Variants in TBCCD1 observed in about 807,000 individuals in gnomAD.
TBCCD1 encodes TBCC domain-containing protein 1.
Under a neutral mutation model 53.4 loss-of-function variants are expected in TBCCD1, and 26 were observed. The observed-to-expected ratio is 0.49, with a 90% confidence interval of 0.36 to 0.68. TBCCD1 has a LOEUF of 0.68. Ranked by LOEUF, TBCCD1 falls within the 30% of genes least tolerant of loss-of-function variation. The probability of loss-of-function intolerance (pLI) is 0.00; values close to 1 mark genes in which losing one functional copy is unlikely to be tolerated. For missense variants in TBCCD1, 558 were observed against 669.5 expected, an observed-to-expected ratio of 0.83 and a Z score of 1.84; for synonymous variants, 245 against 241.7, an observed-to-expected ratio of 1.01 and a Z score of -0.13.
At chr3:186,553,812 A>G (rs532804249) in intron 6 of TBCCD1, among the ~76,000 whole-genome samples, 12 of 152,256 alleles carry the variant, frequency 7.9e-5, no homozygotes, top group African/African-American at 2.9e-4. Context: ...TGTTTGAAAT[A>G]CTAATTTGAA....
At position 186,554,596 on chromosome 3, in the gene TBCCD1, G is replaced by C. The variant is rs376608378; in HGVS notation, c.1202C>G (p.Thr401Arg). Reference sequence around the variant, plus strand: ...AGAGAGAATAAGTGGGCGTGTAGGCGTAAGAACGTGAAAGATGCAACCTGT... The same window carrying C: ...AGAGAGAATAAGTGGGCGTGTAGGCCTAAGAACGTGAAAGATGCAACCTGT... ...STTGCIFHVL[T>R]PTRPLILSGN... is the part of the protein sequence containing the mutation. Residue 401 changes from threonine to arginine, a missense_variant, in exon 6 of 8, where the codon ACG (threonine) becomes AGG (arginine). Coordinates refer to ENST00000338733, the MANE Select transcript of TBCCD1 (RefSeq NM_018138.5). 3.1e-6 allele frequency: 5 copies of C among 1,614,100 alleles called. No individual in the cohort carries two copies. The highest frequency in any genetic ancestry group is 4.2e-6 in the Non-Finnish European group (5 of 1,180,012).
At position 186,564,026 on chromosome 3, in the gene TBCCD1, A is replaced by T. The variant is rs771720666; in HGVS notation, c.304T>A (p.Ser102Thr). ...CTCTGCTTTTCAACTTCCTCCTCAG[A>T]CATGCAGTTGGACAGAACCTCAGAC... ...EWSEVLSNCM[S>T]EEEVEKQRNQ... The change falls in exon 2 of 8, where the codon TCT (serine) becomes ACT (threonine). Residue 102 changes from serine to threonine, a missense_variant. Ser to Thr is a moderately conservative substitution (Grantham distance 58). Coordinates refer to ENST00000338733, the MANE Select transcript of TBCCD1 (RefSeq NM_018138.5). 1.2e-6 allele frequency: 2 copies of T among 1,613,208 alleles called. No homozygotes were observed. Among genetic ancestry groups the T allele is most frequent in the Non-Finnish European group, 1.7e-6 (2 of 1,179,372 alleles).
Position 186,550,118 on chromosome 3 carries a change from T to C in TBCCD1, c.*21+1011A>G, listed in dbSNP as rs565976764. On this transcript the variant is annotated intron_variant, in intron 7 of 7. Coordinates refer to ENST00000338733, the MANE Select transcript of TBCCD1 (RefSeq NM_018138.5). Reference sequence around the variant, plus strand: ...GGTGCGTGCCTGTAATCTCAGCTACTTGGTAGGCTGAGGCAGGAGAATTGC... The same window carrying C: ...GGTGCGTGCCTGTAATCTCAGCTACCTGGTAGGCTGAGGCAGGAGAATTGC... Among the ~76,000 whole-genome samples the C allele has an allele frequency of 1.9e-4, 28 of 149,842 alleles. 1 individual carries two copies. In the South Asian group the frequency reaches 4.8e-3, roughly 26 times the overall value.
upstream of TBCCD1, chr3:186,570,228 G>A (rs748819068): frequency 2.7e-4 from 174 of 649,828 alleles, no homozygotes; most frequent in Non-Finnish European, 4.4e-4. Flanking sequence ...TAAGCAATGC[G>A]TCTGATGTAC....
upstream of TBCCD1, chr3:186,570,153 A>G: frequency 1.4e-6 from 1 of 702,514 alleles, no homozygotes; most frequent in Admixed American, 2.0e-5. Context: ...TCGGTCTGTC[A>G]TCACTGTAGC....
upstream of TBCCD1, chr3:186,570,525 C>T (rs1176990495): frequency 4.1e-6 from 2 of 485,806 alleles, no homozygotes; most frequent in Non-Finnish European, 3.6e-6. Flanking sequence ...GTTCCTGCAG[C>T]GGCGCGACCC....
At chr3:186,552,413 GGAT>G (rs1270826274) in intron 6 of TBCCD1, among the ~76,000 whole-genome samples, 1 of 152,010 alleles carries the variant, frequency 6.6e-6, no homozygotes, top group African/African-American at 2.4e-5. Flanking sequence ...AGCCACTCTG[GGAT>G]GATGATAGAC....
At chr3:186,549,664 G>T (rs1200645941) in intron 7 of TBCCD1, among the ~76,000 whole-genome samples, 1 of 152,008 alleles carries the variant, frequency 6.6e-6, no homozygotes, top group East Asian at 1.9e-4. Context: ...TCTAGAAAAA[G>T]AAAAAAGAAA....
At chr3:186,566,795 G>C (rs1036999628) in intron 1 of TBCCD1, among the ~76,000 whole-genome samples, 4 of 152,216 alleles carry the variant, frequency 2.6e-5, no homozygotes, top group Admixed American at 6.5e-5. Context: ...GGAGAGACTG[G>C]AGTCGTTTTG....
At chr3:186,549,434 G>A (rs1312748694) in intron 7 of TBCCD1, among the ~76,000 whole-genome samples, 9 of 152,310 alleles carry the variant, frequency 5.9e-5, no homozygotes, top group Non-Finnish European at 2.9e-5. Flanking sequence ...CACTTTGGGA[G>A]GCCGAGGCAG....
chr3:186,552,449 C>T (rs117269300), intron 6 of TBCCD1, among the ~76,000 whole-genome samples: 2 of 152,226 alleles, frequency 1.3e-5, no homozygotes, highest in East Asian at 1.9e-4. Context: ...AAGATCACTC[C>T]GTAATCGTAT....
At chr3:186,552,642 C>A (rs1028804851) in intron 6 of TBCCD1, among the ~76,000 whole-genome samples, 1 of 152,240 alleles carries the variant, frequency 6.6e-6, no homozygotes, top group African/African-American at 2.4e-5. Context: ...ATTACTCTCA[C>A]TTCCAGATAG....
At chr3:186,558,334 C>A in intron 3 of TBCCD1, 83 bp downstream of exon 3, 2 of 1,477,302 alleles carry the variant, frequency 1.4e-6, no homozygotes, top group South Asian at 1.3e-5. Flanking sequence ...TGTAAGAAAT[C>A]TCATCATAAT....
rs113079780 is a variant in TBCCD1 at position 186,554,565 on chromosome 3, G to T, written c.1233C>A (p.Asn411Lys). Residue 411 changes from asparagine to lysine, a missense_variant, in exon 6 of 8, where the codon AAC (asparagine) becomes AAA (lysine). Transcript: ENST00000338733. ...TPTRPLILSGNQTVTFAPFHT... is the reference protein window; with the variant it reads ...TPTRPLILSGKQTVTFAPFHT... The stretch of plus-strand genomic sequence containing the variant: ...GAAAAGGGGCAAAAGTTACTGTCTG[G>T]TTCCCAGAGAGAATAAGTGGGCGTG... 1 of 1,614,240 alleles carries T rather than the reference G, an allele frequency of 6.2e-7. No homozygotes were observed. The highest frequency in any genetic ancestry group is 8.5e-7 in the Non-Finnish European group (1 of 1,180,046).
chr3:186,556,361 C>T (rs1050815729), intron 4 of TBCCD1, 48 bp downstream of exon 4: 2 of 1,560,532 alleles, frequency 1.3e-6, no homozygotes, highest in Non-Finnish European at 1.7e-6. Context: ...ACACTAGGTT[C>T]CTTAAGTTGT....
chr3:186,556,668 A>C lies in TBCCD1; in HGVS notation c.600T>G (p.His200Gln), dbSNP rs202021885. Reference protein sequence around the residue: ...KQLTASFHSTHSSLVSREAVV... With the variant: ...KQLTASFHSTQSSLVSREAVV... ...CAGCTTCTCGAGACACTAGACTACT[A>C]TGGGTTGAATGAAATGATGCAGTGA... Residue 200 changes from histidine (H) to glutamine (Q), a missense_variant, in exon 4 of 8, where the codon CAT becomes CAG. His to Gln is a conservative substitution (Grantham distance 24). Coordinates refer to ENST00000338733, the MANE Select transcript of TBCCD1 (RefSeq NM_018138.5). 3.8e-5 allele frequency: 61 copies of C among 1,614,218 alleles called. No individual in the cohort carries two copies. Among genetic ancestry groups the C allele is most frequent in the East Asian group, 3.6e-4 (16 of 44,888 alleles).
chr3:186,548,276 CAT>C (rs1442310201), intron 7 of TBCCD1, among the ~76,000 whole-genome samples: 5 of 152,190 alleles, frequency 3.3e-5, no homozygotes, highest in Non-Finnish European at 4.4e-5. Flanking sequence ...CAAGAAGCCA[CAT>C]GTTATATGAT....
At position 186,551,132 on chromosome 3, in the gene TBCCD1, T is replaced by A. The variant is rs371733308; in HGVS notation, c.*18A>T. The A allele has an allele frequency of 2.5e-6, 4 of 1,604,840 alleles. No homozygotes were observed. The highest frequency in any genetic ancestry group is 3.4e-6 in the Non-Finnish European group (4 of 1,177,892). ...TTTAAGTGGTATAAATGCCTACCAG[T>A]GTCTGCATGTAAGATCCTTATCCAG... On this transcript the variant is annotated 3_prime_UTR_variant, in exon 7 of 8. Coordinates refer to ENST00000338733, the MANE Select transcript of TBCCD1 (RefSeq NM_018138.5).
rs181369538 is a variant in TBCCD1, at chr3:186,557,673, G to A, written c.492+744C>T. ...GAATAGCTGCTTGTAAGGGCCAGGG[G>A]AGAGAAATTTATGAAAGAAAGTGAG... On this transcript the variant is annotated intron_variant, in intron 3 of 7. Coordinates refer to ENST00000338733, the MANE Select transcript of TBCCD1 (RefSeq NM_018138.5). Among the ~76,000 whole-genome samples the A allele has an allele frequency of 1.4e-3, 220 of 152,270 alleles. 1 individual carries two copies. Among genetic ancestry groups the A allele is most frequent in the African/African-American group, 5.2e-3 (214 of 41,542 alleles).
Sources: allele counts gnomAD v4.1 joint callset (sites outside exome capture counted in the v4.1 genomes callset), GRCh38; gene constraint gnomAD v4.1.1; transcripts MANE v1.5; gene names NCBI Gene and HGNC (gene_info 2026-07-23, HGNC 2026-07-21).